Variants in FLRT2 observed in about 807,000 individuals in gnomAD.
FLRT2 encodes the protein leucine-rich repeat transmembrane protein FLRT2.
A neutral mutation model predicts 40.0 loss-of-function variants in FLRT2; 15 were observed. The ratio of observed to expected loss-of-function variants is 0.38; its 90% CI spans 0.25 to 0.58. The LOEUF is 0.58. Among genes scored for constraint, FLRT2 ranks in the 20% least tolerant of loss-of-function variants. The pLI is 0.71. For synonymous variants in FLRT2, 380 were observed against 336.8 expected (o/e 1.13, Z -1.41); for missense variants, 726 against 840.0 (o/e 0.86, Z 1.68).
chr14:85,641,713 TTAAG>T lies in FLRT2; in HGVS notation c.*18219_*18222del, dbSNP rs1055098950. On this transcript the variant is annotated 3_prime_UTR_variant, in exon 2 of 2. Coordinates refer to ENST00000330753, the MANE Select transcript of FLRT2 (RefSeq NM_013231.6). ...GTTTCCTGCATTTTATCTTGTTGGA[TTAAG>T]TATTTGATAATAAAACTGATTGTGG... 6.6e-5 allele frequency: 10 copies of T among 152,246 alleles called. No individual in the cohort carries two copies. Among genetic ancestry groups the T allele is most frequent in the African/African-American group, 2.4e-4 (10 of 41,462 alleles). The allele number at this position is 152,246 out of a possible 1,614,324, so 9.4% of individuals were successfully genotyped here. A position where few individuals can be genotyped will look rare whatever the true frequency, so the allele number is the denominator to read the frequency against.
chr14:85,637,883 T>G lies in FLRT2; in HGVS notation c.*14386T>G, dbSNP rs1265520986. 1 of 152,238 alleles carries G rather than the reference T, an allele frequency of 6.6e-6. No homozygotes were observed. The highest frequency in any genetic ancestry group is 1.5e-5 in the Non-Finnish European group (1 of 68,038). 9.4% of individuals were successfully genotyped at this position (152,238 alleles called of 1,614,324 possible). A position where few individuals can be genotyped will look rare whatever the true frequency, so the allele number is the denominator to read the frequency against. ...ATAGGGTTAATTATATGAACCCATA[T>G]AGTAGTGTCATTTAAAGGGAATTTA... On this transcript the variant is annotated 3_prime_UTR_variant, in exon 2 of 2. Coordinates refer to ENST00000330753, the MANE Select transcript of FLRT2 (RefSeq NM_013231.6).
intron 1 of FLRT2, among the ~76,000 whole-genome samples, chr14:85,533,544 C>T (rs1888432586): frequency 6.6e-6 from 1 of 152,112 alleles, no homozygotes; most frequent in African/African-American, 2.4e-5. Flanking sequence ...CGCCGCGGGG[C>T]AGCTTTCTGC....
Position 85,632,401 on chromosome 14 carries a change from G to T in FLRT2, c.*8904G>T, listed in dbSNP as rs1304159001. The T allele has an allele frequency of 6.7e-6, 1 of 150,296 alleles. No homozygotes were observed. Among genetic ancestry groups the T allele is most frequent in the Non-Finnish European group, 1.5e-5 (1 of 67,822 alleles). 9.3% of individuals were successfully genotyped at this position (150,296 alleles called of 1,614,324 possible). ...GCAGGAGAATTGCTTGAACCTAGGAGGTGGAGGTTGCAGTGAGCCAAGATC... is the reference window on the plus strand; with the variant it reads ...GCAGGAGAATTGCTTGAACCTAGGATGTGGAGGTTGCAGTGAGCCAAGATC... On this transcript the variant is annotated 3_prime_UTR_variant, in exon 2 of 2. Transcript: ENST00000330753.
chr14:85,621,521 C>T lies in FLRT2; in HGVS notation c.7C>T (p.Leu3=). The T allele has an allele frequency of 3.7e-6, 6 of 1,607,654 alleles. No homozygotes were observed. The highest frequency in any genetic ancestry group is 5.1e-6 in the Non-Finnish European group (6 of 1,176,874). Residue 3 remains leucine, a synonymous_variant, in exon 2 of 2, where the codon CTA becomes TTA. Transcript: ENST00000330753. Reference sequence around the variant, plus strand: ...TTATTTCCGTACTTCAGAAATGGGCCTACAGACCACAAAGTGGCCCAGCCA... The same window carrying T: ...TTATTTCCGTACTTCAGAAATGGGCTTACAGACCACAAAGTGGCCCAGCCA... The part of the protein sequence containing the change: MG[L]QTTKWPSHGA...
rs1048468828 is a variant in FLRT2, at chr14:85,621,796, C to T, written c.282C>T (p.Tyr94=). ...LHNVQSVHTV[Y]LYGNQLDEFP... is the part of the protein sequence containing the mutation. ...ATGTACAGTCGGTGCACACGGTCTACCTGTATGGCAACCAACTGGACGAAT... is the reference window on the plus strand; with the variant it reads ...ATGTACAGTCGGTGCACACGGTCTATCTGTATGGCAACCAACTGGACGAAT... The change falls in exon 2 of 2, where the codon TAC becomes TAT. Residue 94 remains tyrosine, a synonymous_variant. Transcript: ENST00000330753. The T allele has an allele frequency of 1.9e-6, 3 of 1,614,186 alleles. No homozygotes were observed. Among genetic ancestry groups the T allele is most frequent in the Non-Finnish European group, 2.5e-6 (3 of 1,180,032 alleles).
rs1203172512 is a variant in FLRT2, at chr14:85,635,473, AAGAT to A, written c.*11980_*11983del. The A allele has an allele frequency of 1.3e-5, 2 of 152,120 alleles. No homozygotes were observed. The highest frequency in any genetic ancestry group is 4.8e-5 in the African/African-American group (2 of 41,466). 9.4% of individuals were successfully genotyped at this position (152,120 alleles called of 1,614,324 possible). A position where few individuals can be genotyped will look rare whatever the true frequency, so the allele number is the denominator to read the frequency against. On this transcript the variant is annotated 3_prime_UTR_variant, in exon 2 of 2. Coordinates refer to ENST00000330753, the MANE Select transcript of FLRT2 (RefSeq NM_013231.6). Reference sequence around the variant, plus strand: ...CACTTTATTTAAGTCAAAATTATCAAAGATAGAGTGTCGTACAATAAAAATTGTA... The same window carrying A: ...CACTTTATTTAAGTCAAAATTATCAAAGAGTGTCGTACAATAAAAATTGTA...
intron 1 of FLRT2, among the ~76,000 whole-genome samples, chr14:85,553,323 G>A (rs1475886472): frequency 5.3e-5 from 8 of 152,108 alleles, no homozygotes; most frequent in Non-Finnish European, 1.0e-4. Flanking sequence ...AAATTCCTGT[G>A]CCCAGTAATC....
intron 1 of FLRT2, among the ~76,000 whole-genome samples, chr14:85,579,348 G>C (rs1209609699): frequency 6.6e-6 from 1 of 152,124 alleles, no homozygotes; most frequent in East Asian, 1.9e-4. Context: ...AATTGGTCTG[G>C]CTTTAAAGAA....
chr14:85,548,520 T>C (rs1413735646), intron 1 of FLRT2, among the ~76,000 whole-genome samples: 1 of 152,252 alleles, frequency 6.6e-6, no homozygotes. Context: ...AATTGAATTA[T>C]TAAGCTGAGG....
chr14:85,613,944 T>C (rs1236119851), intron 1 of FLRT2, among the ~76,000 whole-genome samples: 1 of 152,166 alleles, frequency 6.6e-6, no homozygotes, highest in African/African-American at 2.4e-5. Context: ...AGTTGATGGA[T>C]TCAGTACAAC....
chr14:85,634,242 A>G lies in FLRT2; in HGVS notation c.*10745A>G, dbSNP rs1489080728. On this transcript the variant is annotated 3_prime_UTR_variant, in exon 2 of 2. Coordinates refer to ENST00000330753, the MANE Select transcript of FLRT2 (RefSeq NM_013231.6). ...AGACATTTGATGAGGGGGGAAATAT[A>G]CTTTTTCAGTCCTTGACTGCATGAT... 1.3e-5 allele frequency: 2 copies of G among 152,184 alleles called. No individual in the cohort carries two copies. The highest frequency in any genetic ancestry group is 2.9e-5 in the Non-Finnish European group (2 of 68,048). 9.4% of individuals were successfully genotyped at this position (152,184 alleles called of 1,614,324 possible).
intron 1 of FLRT2, among the ~76,000 whole-genome samples, chr14:85,574,095 G>A (rs1891015733): frequency 6.6e-6 from 1 of 152,132 alleles, no homozygotes; most frequent in Non-Finnish European, 1.5e-5. Context: ...AAACCGTGAA[G>A]CATACTAGTG....
At chr14:85,536,527 A>C (rs1888668546) in intron 1 of FLRT2, among the ~76,000 whole-genome samples, 1 of 152,128 alleles carries the variant, frequency 6.6e-6, no homozygotes, top group African/African-American at 2.4e-5. Flanking sequence ...CTTTAATTTC[A>C]ATTCGAGTTC....
In FLRT2 at chr14:85,639,837, T is replaced by C. The variant is rs1393108598; in HGVS notation, c.*16340T>C. 1.9e-5 allele frequency: 1 copy of C among 52,364 alleles called. No individual in the cohort carries two copies. The highest frequency in any genetic ancestry group is 1.0e-3 in the East Asian group (1 of 986). The allele number at this position is 52,364 out of a possible 1,614,324, so 3.2% of individuals were successfully genotyped here. ...GTGCTTCACTAGCAGAAATTCTTTA[T>C]TTTTTTTTTTTTCCTTTTTTTTTTT... On this transcript the variant is annotated 3_prime_UTR_variant, in exon 2 of 2. Transcript: ENST00000330753.
chr14:85,614,128 C>A (rs1406300489), intron 1 of FLRT2, among the ~76,000 whole-genome samples: 1 of 152,134 alleles, frequency 6.6e-6, no homozygotes, highest in African/African-American at 2.4e-5. Flanking sequence ...CTATTATTTT[C>A]TCCATTTTAT....
At chr14:85,574,168 G>A (rs1446731973) in intron 1 of FLRT2, among the ~76,000 whole-genome samples, 1 of 151,878 alleles carries the variant, frequency 6.6e-6, no homozygotes, top group Non-Finnish European at 1.5e-5. Context: ...ATTTCCCCAT[G>A]ACTATTTCAT....
At chr14:85,607,925 G>C (rs1308856133) in intron 1 of FLRT2, among the ~76,000 whole-genome samples, 7 of 151,822 alleles carry the variant, frequency 4.6e-5, no homozygotes, top group Non-Finnish European at 7.4e-5. Flanking sequence ...TTTCTTCCTA[G>C]GCTTTTCTCC....
rs1438415223 is a variant in FLRT2, at chr14:85,632,346, C to A, written c.*8849C>A. 6.6e-6 allele frequency: 1 copy of A among 151,546 alleles called. No homozygotes were observed. The highest frequency in any genetic ancestry group is 6.6e-5 in the Admixed American group (1 of 15,198). 9.4% of individuals were successfully genotyped at this position (151,546 alleles called of 1,614,324 possible). ...ATTTAGCCGGGCTTGGTGGTGCGTG[C>A]CTGTAGTCCCAGCTACTCAGGAGGC... On this transcript the variant is annotated 3_prime_UTR_variant, in exon 2 of 2. Coordinates refer to ENST00000330753, the MANE Select transcript of FLRT2 (RefSeq NM_013231.6).
At chr14:85,566,562 T>TGC (rs913555486) in intron 1 of FLRT2, among the ~76,000 whole-genome samples, 1 of 151,542 alleles carries the variant, frequency 6.6e-6, no homozygotes, top group African/African-American at 2.4e-5. Context: ...TGTGTGTGTG[T>TGC]GTGTGTGTGT....
Sources: gnomAD v4.1 joint callset for allele counts (sites outside exome capture counted in the v4.1 genomes callset) on GRCh38, gnomAD v4.1.1 for gene constraint, MANE v1.5 for transcripts, NCBI Gene and HGNC (gene_info 2026-07-23, HGNC 2026-07-21) for gene names.